The following SDK1 variants were observed in gnomAD, a reference collection of about 807,000 sequenced individuals.
The protein encoded by SDK1 is sidekick cell adhesion molecule 1.
In SDK1, 157 loss-of-function variants were observed where a neutral mutation model predicts 245.5. The ratio of observed to expected loss-of-function variants is 0.64; its 90% confidence interval spans 0.56 to 0.73. The LOEUF is 0.73. Ranked by LOEUF, SDK1 falls within the 30% of genes least tolerant of loss-of-function variation. SDK1 has a pLI of 0.00. For synonymous variants in SDK1, 1,647 were observed against 1,278.5 expected (o/e 1.29, Z -6.15); for missense variants, 3,583 against 3,002.3 (o/e 1.19, Z -4.52).
chr7:3,526,348 T>C (rs1298472157), intron 1 of SDK1, among the ~76,000 whole-genome samples: 3 of 152,242 alleles, frequency 2.0e-5, no homozygotes, highest in Non-Finnish European at 2.9e-5. Context: ...TATTGTAATC[T>C]GGCAATATTT....
intron 17 of SDK1, among the ~76,000 whole-genome samples, chr7:4,022,448 G>A (rs2128154548): frequency 6.6e-6 from 1 of 152,270 alleles, no homozygotes; most frequent in Middle Eastern, 3.4e-3. Context: ...ATGGTGCAGC[G>A]TGCGCTACCA....
At chr7:3,670,718 C>T (rs1783673910) in intron 4 of SDK1, among the ~76,000 whole-genome samples, 1 of 152,188 alleles carries the variant, frequency 6.6e-6, no homozygotes, top group South Asian at 2.1e-4. Flanking sequence ...GCTTGCTTCC[C>T]TTGCTTAGTA....
In SDK1 at chr7:3,973,677, G is replaced by T. The variant is rs75005608; in HGVS notation, c.1818-692G>T. On this transcript the variant is annotated intron_variant, in intron 12 of 44. Transcript: ENST00000404826. ...CTTGTCCTCCAGGAGCATTTACCGG[G>T]GCAGGAATGTTGGGTGCAGTTTTCA... is the stretch of plus-strand genomic sequence containing the variant. Among the ~76,000 whole-genome samples, 47 of 152,008 alleles carry T rather than the reference G, an allele frequency of 3.1e-4. 1 individual carries two copies. The East Asian group carries it at 6.8e-3, about 22-fold the overall frequency.
intron 1 of SDK1, among the ~76,000 whole-genome samples, chr7:3,537,517 C>T (rs1483365504): frequency 2.0e-5 from 3 of 152,180 alleles, no homozygotes; most frequent in African/African-American, 7.2e-5. Flanking sequence ...TTCCTTATTC[C>T]TCATATATGG....
At chr7:4,042,954 G>A (rs772707324) in intron 17 of SDK1, among the ~76,000 whole-genome samples, 17 of 152,248 alleles carry the variant, frequency 1.1e-4, no homozygotes, top group Non-Finnish European at 2.1e-4. Flanking sequence ...GGGAATAAAA[G>A]CAAGGTTGGC....
At chr7:4,051,034 ATGTT>A (rs1789422641) in intron 18 of SDK1, among the ~76,000 whole-genome samples, 1 of 141,524 alleles carries the variant, frequency 7.1e-6, no homozygotes, top group South Asian at 2.1e-4. Context: ...TATGTTATGT[ATGTT>A]ATATATAGTA....
chr7:3,463,320 A>T (rs922350208), intron 1 of SDK1, among the ~76,000 whole-genome samples: 38 of 152,222 alleles, frequency 2.5e-4, no homozygotes, highest in African/African-American at 8.7e-4. Context: ...GCTGAAAAAT[A>T]CTTGTCATAT....
chr7:3,918,381 A>G (rs1475564154), intron 5 of SDK1, among the ~76,000 whole-genome samples: 2 of 152,206 alleles, frequency 1.3e-5, no homozygotes, highest in Non-Finnish European at 2.9e-5. Flanking sequence ...CAGCGGCTGC[A>G]TTAGATTCTC....
intron 1 of SDK1, among the ~76,000 whole-genome samples, chr7:3,394,184 T>G (rs949971657): frequency 1.3e-5 from 2 of 152,002 alleles, no homozygotes; most frequent in Admixed American, 6.6e-5. Context: ...GGAGTCAGTC[T>G]CTCCTCTACT....
chr7:3,554,700 C>G (rs1437580590), intron 1 of SDK1, among the ~76,000 whole-genome samples: 2 of 152,148 alleles, frequency 1.3e-5, no homozygotes, highest in Non-Finnish European at 2.9e-5. Flanking sequence ...CCACCTTTCC[C>G]TCATCCAAAA....
chr7:3,559,863 G>C (rs1014942000), intron 1 of SDK1, among the ~76,000 whole-genome samples: 8 of 151,640 alleles, frequency 5.3e-5, no homozygotes, highest in African/African-American at 1.2e-4. Flanking sequence ...TCTTTGTTTT[G>C]TTCACTGTAT....
chr7:3,332,090 A>T (rs1780082907), intron 1 of SDK1, among the ~76,000 whole-genome samples: 1 of 152,216 alleles, frequency 6.6e-6, no homozygotes, highest in Non-Finnish European at 1.5e-5. Context: ...TACTTTATTC[A>T]AACTATTATT....
rs955575108 is a variant in SDK1 at position 4,026,299 on chromosome 7, C to T, written c.2602+8947C>T. On this transcript the variant is annotated intron_variant, in intron 17 of 44. Coordinates refer to ENST00000404826, the MANE Select transcript of SDK1 (RefSeq NM_152744.4). This position sits in a 1 kb window ranked among gnomAD's most constrained non-coding sequence, Gnocchi z 4.1. ...GACACCAAGTCGGCAGGAGCCCAAG[C>T]GAGTGGCCAGAGCTTCCACCCTCGG... is the stretch of plus-strand genomic sequence containing the variant. Among the ~76,000 whole-genome samples the T allele has an allele frequency of 2.6e-5, 4 of 152,228 alleles. No homozygotes were observed. Among genetic ancestry groups the T allele is most frequent in the Non-Finnish European group, 4.4e-5 (3 of 68,036 alleles).
At chr7:3,803,070 A>G (rs889635791) in intron 4 of SDK1, among the ~76,000 whole-genome samples, 23 of 152,168 alleles carry the variant, frequency 1.5e-4, no homozygotes, top group Admixed American at 1.4e-3. Context: ...TGGCTATACT[A>G]TTTTTCATTC....
chr7:4,208,322 T>G, intron 37 of SDK1, 37 bp downstream of exon 37: 1 of 1,588,756 alleles, frequency 6.3e-7, no homozygotes, highest in Non-Finnish European at 8.6e-7. Context: ...GCAGGCCTCC[T>G]TGGACACGTG....
chr7:3,779,309 C>G (rs1780654656), intron 4 of SDK1, among the ~76,000 whole-genome samples: 1 of 152,078 alleles, frequency 6.6e-6, no homozygotes, highest in Non-Finnish European at 1.5e-5. Flanking sequence ...CAATAAATCC[C>G]CATTCTTGAG....
At chr7:4,193,611 T>G (rs1257378228) in intron 35 of SDK1, among the ~76,000 whole-genome samples, 1 of 151,908 alleles carries the variant, frequency 6.6e-6, no homozygotes, top group Non-Finnish European at 1.5e-5. Context: ...TGCCCTCACT[T>G]TAATAGTAGA....
chr7:3,703,367 G>T (rs1446162338), intron 4 of SDK1, among the ~76,000 whole-genome samples: 2 of 152,172 alleles, frequency 1.3e-5, no homozygotes, highest in Non-Finnish European at 2.9e-5. Context: ...TGACTTGAAA[G>T]GTCACATGTT....
chr7:3,872,696 T>C (rs1780986825), intron 5 of SDK1, among the ~76,000 whole-genome samples: 1 of 152,078 alleles, frequency 6.6e-6, no homozygotes, highest in East Asian at 1.9e-4. Context: ...ACTGCTTTTA[T>C]TGAAATTTTC....
Sources: allele counts gnomAD v4.1 joint callset (sites outside exome capture counted in the v4.1 genomes callset), GRCh38; gene constraint gnomAD v4.1.1; non-coding constraint Gnocchi (gnomAD v3.1); transcripts MANE v1.5; gene names NCBI Gene and HGNC (gene_info 2026-07-23, HGNC 2026-07-21).